Variants in RGS17 observed in about 807,000 individuals in gnomAD.
RGS17 encodes regulator of G-protein signaling 17.
Under a neutral mutation model 25.5 loss-of-function variants are expected in RGS17, and 12 were observed. The ratio of observed to expected loss-of-function variants is 0.47; its 90% confidence interval spans 0.30 to 0.76. The LOEUF (loss-of-function observed/expected upper bound fraction) is 0.76, where lower values mean the gene tolerates loss of function less well. Among genes scored for constraint, RGS17 ranks in the 30% least tolerant of loss-of-function variants. The pLI, the probability that RGS17 is intolerant of heterozygous loss-of-function variation, is 0.07. For missense variants in RGS17, 196 were observed against 242.2 expected, an observed-to-expected ratio of 0.81 and a Z score of 1.27; for synonymous variants, 71 against 76.9, an observed-to-expected ratio of 0.92 and a Z score of 0.40.
At chr6:153,036,318 G>A (rs140364229) in intron 2 of RGS17, among the ~76,000 whole-genome samples, 13 of 152,276 alleles carry the variant, frequency 8.5e-5, no homozygotes, top group African/African-American at 3.1e-4. Flanking sequence ...CTCCCAAAGT[G>A]CTAGGATTAC....
At chr6:153,095,689 A>T (rs1777198816) in intron 1 of RGS17, among the ~76,000 whole-genome samples, 1 of 152,224 alleles carries the variant, frequency 6.6e-6, no homozygotes, top group African/African-American at 2.4e-5. Flanking sequence ...AGATTATGAG[A>T]AGTGATCTAA....
intron 1 of RGS17, among the ~76,000 whole-genome samples, chr6:153,116,458 C>T (rs1018345662): frequency 6.6e-6 from 1 of 152,180 alleles, no homozygotes; most frequent in African/African-American, 2.4e-5. Context: ...AATAGGAACG[C>T]TTTTACACTG....
intron 1 of RGS17, among the ~76,000 whole-genome samples, chr6:153,099,134 G>A (rs760777765): frequency 1.3e-5 from 2 of 152,086 alleles, no homozygotes; most frequent in Non-Finnish European, 2.9e-5. Flanking sequence ...GAACACACCA[G>A]TAAGATACAC....
intron 1 of RGS17, among the ~76,000 whole-genome samples, chr6:153,100,343 C>T (rs1255135973): frequency 6.6e-6 from 1 of 152,096 alleles, no homozygotes; most frequent in African/African-American, 2.4e-5. Flanking sequence ...GTTATTTCTC[C>T]CAGATACTTG....
chr6:153,055,433 T>TC (rs1273300589), intron 1 of RGS17, among the ~76,000 whole-genome samples: 1 of 152,166 alleles, frequency 6.6e-6, no homozygotes, highest in Non-Finnish European at 1.5e-5. Context: ...TTTTTTGTCA[T>TC]CCCTACCTCC....
intron 1 of RGS17, among the ~76,000 whole-genome samples, chr6:153,058,226 AAGTT>A (rs1776586750): frequency 6.6e-6 from 1 of 152,172 alleles, no homozygotes; most frequent in South Asian, 2.1e-4. Context: ...TGTTGCCAAA[AAGTT>A]AGTGTGGTTC....
chr6:153,024,176 C>T, intron 4 of RGS17, 86 bp downstream of exon 4: 1 of 837,182 alleles, frequency 1.2e-6, no homozygotes, highest in Non-Finnish European at 1.9e-6. Context: ...TCTCCACACC[C>T]CATGCCCTAC....
At chr6:153,116,580 A>G (rs552535059) in intron 1 of RGS17, among the ~76,000 whole-genome samples, 1 of 152,348 alleles carries the variant, frequency 6.6e-6, no homozygotes, top group South Asian at 2.1e-4. Context: ...CTGGGTATAT[A>G]CCAAAAGGAG....
intron 1 of RGS17, among the ~76,000 whole-genome samples, chr6:153,045,417 T>C (rs1361054659): frequency 6.6e-6 from 1 of 152,176 alleles, no homozygotes; most frequent in South Asian, 2.1e-4. Flanking sequence ...GCAGAAAGGG[T>C]AGGATGCAGA....
At chr6:153,060,435 A>G (rs1310293098) in intron 1 of RGS17, among the ~76,000 whole-genome samples, 1 of 152,156 alleles carries the variant, frequency 6.6e-6, no homozygotes, top group Non-Finnish European at 1.5e-5. Context: ...GGCCTTTGGG[A>G]AGGTGCCCAG....
chr6:153,094,196 C>A (rs1777174045), intron 1 of RGS17, among the ~76,000 whole-genome samples: 1 of 151,948 alleles, frequency 6.6e-6, no homozygotes, highest in Admixed American at 6.6e-5. Flanking sequence ...ATGCCTCAGC[C>A]TCCTGGGTAG....
At chr6:153,112,379 G>C (rs1777484082) in intron 1 of RGS17, among the ~76,000 whole-genome samples, 1 of 152,108 alleles carries the variant, frequency 6.6e-6, no homozygotes, top group African/African-American at 2.4e-5. Context: ...AGAGAAAAAA[G>C]AATGAAAATG....
rs1779133166 is a variant in RGS17, at chr6:153,011,568, T to C, written c.*6A>G. ...GCCCTCCAAAATGATTGTTTTTAAA[T>C]GAACATTAAGATTCAGAAGAAGAGC... is the stretch of plus-strand genomic sequence containing the variant. On this transcript the variant is annotated 3_prime_UTR_variant, in exon 5 of 5. Coordinates refer to ENST00000206262, the MANE Select transcript of RGS17 (RefSeq NM_012419.5). 6.3e-7 allele frequency: 1 copy of C among 1,580,264 alleles called. No individual in the cohort carries two copies. Among genetic ancestry groups the C allele is most frequent in the Non-Finnish European group, 8.6e-7 (1 of 1,157,082 alleles).
intron 1 of RGS17, among the ~76,000 whole-genome samples, chr6:153,091,396 T>C (rs1584152688): frequency 6.6e-6 from 1 of 152,204 alleles, no homozygotes; most frequent in East Asian, 1.9e-4. Flanking sequence ...GAAAATGTCT[T>C]CATTAATGGC....
intron 1 of RGS17, among the ~76,000 whole-genome samples, chr6:153,052,533 C>A (rs1776475684): frequency 6.6e-6 from 1 of 151,820 alleles, no homozygotes; most frequent in African/African-American, 2.4e-5. Context: ...TACTTTTGCA[C>A]CAACCTAATA....
intron 1 of RGS17, among the ~76,000 whole-genome samples, chr6:153,088,204 A>G (rs937414179): frequency 6.6e-6 from 1 of 152,208 alleles, no homozygotes; most frequent in African/African-American, 2.4e-5. Flanking sequence ...TGTTGCCCAC[A>G]GCGAACACCT....
rs1584159954 is a variant in RGS17, at chr6:153,106,388, C to A, written c.-26+24736G>T. On this transcript the variant is annotated intron_variant, in intron 1 of 4. Coordinates refer to ENST00000206262, the MANE Select transcript of RGS17 (RefSeq NM_012419.5). ...CAGGCTGAAAACAGCTGAGGAAAGG[C>A]ACACAGAAGTGGCAAAAGAGAAACA... Among the ~76,000 whole-genome samples the A allele has an allele frequency of 3.3e-5, 5 of 151,736 alleles. 1 individual carries two copies. The highest frequency in any genetic ancestry group is 3.3e-4 in the Admixed American group (5 of 15,232).
Position 153,054,000 on chromosome 6 carries a change from A to G in RGS17, c.-25-9957T>C, listed in dbSNP as rs9397580. On this transcript the variant is annotated intron_variant, in intron 1 of 4. Coordinates refer to ENST00000206262, the MANE Select transcript of RGS17 (RefSeq NM_012419.5). ...ATGTATATATGTATATAATATATAT[A>G]CATATATACGTATATATGTATATAA... 5.6e-3 allele frequency among the ~76,000 whole-genome samples: 284 copies of G among 50,754 alleles called. 45 individuals carry two copies. Among genetic ancestry groups the G allele is most frequent in the Middle Eastern group, 9.6e-3 (1 of 104 alleles). The allele number at this position is 50,754 out of a possible 152,430, so 33.3% of individuals were successfully genotyped here. A position where few individuals can be genotyped will look rare whatever the true frequency, so the allele number is the denominator to read the frequency against.
At chr6:153,089,642 ACC>A (rs1169966830) in intron 1 of RGS17, among the ~76,000 whole-genome samples, 1 of 152,164 alleles carries the variant, frequency 6.6e-6, no homozygotes, top group Non-Finnish European at 1.5e-5. Context: ...AGGGAAATTA[ACC>A]ACATTCATGA....
Sources: allele counts gnomAD v4.1 joint callset (sites outside exome capture counted in the v4.1 genomes callset), GRCh38; gene constraint gnomAD v4.1.1; transcripts MANE v1.5; gene names NCBI Gene and HGNC (gene_info 2026-07-23, HGNC 2026-07-21).